The following NOX4 variants were observed in gnomAD, a reference collection of about 807,000 sequenced individuals.
The protein encoded by NOX4 is kidney oxidase-1.
NOX4 carries 69 observed loss-of-function variants against 87.6 expected under a neutral mutation model. The observed-to-expected ratio is 0.79, with a 90% confidence interval of 0.65 to 0.96. The LOEUF (loss-of-function observed/expected upper bound fraction) is 0.96. Among genes scored for constraint, NOX4 ranks in the 40% least tolerant of loss-of-function variants. NOX4 has a pLI of 0.00. For missense variants in NOX4, 680 were observed against 681.5 expected, an observed-to-expected ratio of 1.00 and a Z score of 0.02; for synonymous variants, 275 against 238.2, an observed-to-expected ratio of 1.15 and a Z score of -1.42.
At chr11:89,572,314 T>C in the NOX4 span, among the ~76,000 whole-genome samples, 1 of 152,234 alleles carries the variant, frequency 6.6e-6, no homozygotes, top group Admixed American at 6.5e-5. Flanking sequence ...TGTATATACA[T>C]GAGCATTTTT....
chr11:89,475,461 T>G (rs1946127659), intron 2 of NOX4, among the ~76,000 whole-genome samples: 1 of 152,088 alleles, frequency 6.6e-6, no homozygotes, highest in Non-Finnish European at 1.5e-5. Context: ...TATTCCCTAA[T>G]GGTATGCATT....
upstream of NOX4, among the ~76,000 whole-genome samples, chr11:89,492,784 T>C (rs1334484003): frequency 6.6e-6 from 1 of 152,216 alleles, no homozygotes; most frequent in African/African-American, 2.4e-5. Context: ...AATTCTGGGA[T>C]GCACTGGTGC....
At chr11:89,475,719 T>C (rs1005568282) in intron 2 of NOX4, among the ~76,000 whole-genome samples, 4 of 152,012 alleles carry the variant, frequency 2.6e-5, no homozygotes, top group Non-Finnish European at 5.9e-5. Flanking sequence ...AAAATTATAA[T>C]AATTGATATT....
At chr11:89,520,694 C>G in the NOX4 span, among the ~76,000 whole-genome samples, 1 of 152,040 alleles carries the variant, frequency 6.6e-6, no homozygotes, top group African/African-American at 2.4e-5. Flanking sequence ...GAAGTGCTAG[C>G]TAGAGCAATC....
At chr11:89,483,515 CATA>C (rs939288809) in intron 2 of NOX4, among the ~76,000 whole-genome samples, 12 of 148,392 alleles carry the variant, frequency 8.1e-5, no homozygotes, top group African/African-American at 3.0e-4. Context: ...ACAAATACCA[CATA>C]ATGTTACTTA....
chr11:89,579,140 A>G, the NOX4 span, among the ~76,000 whole-genome samples: 14 of 152,348 alleles, frequency 9.2e-5, no homozygotes, highest in South Asian at 1.9e-3. Flanking sequence ...TTGGTTTTCT[A>G]GAGTTCATGG....
chr11:89,381,637 C>T (rs753359173), intron 11 of NOX4, among the ~76,000 whole-genome samples: 27 of 152,188 alleles, frequency 1.8e-4, no homozygotes, highest in Non-Finnish European at 2.8e-4. Context: ...TAAGCAAAGC[C>T]TGTTTGGTGG....
At chr11:89,411,659 C>T (rs1175682269) in intron 8 of NOX4, among the ~76,000 whole-genome samples, 1 of 151,852 alleles carries the variant, frequency 6.6e-6, no homozygotes, top group African/African-American at 2.4e-5. Flanking sequence ...AGAAAACATA[C>T]AACAGATACA....
chr11:89,462,967 T>C (rs951893671), intron 2 of NOX4, among the ~76,000 whole-genome samples: 13 of 151,930 alleles, frequency 8.6e-5, no homozygotes, highest in African/African-American at 3.1e-4. Flanking sequence ...GATAACCAAA[T>C]ACATAGATGT....
the NOX4 span, among the ~76,000 whole-genome samples, chr11:89,522,502 G>A: frequency 1.3e-5 from 2 of 152,086 alleles, no homozygotes; most frequent in East Asian, 1.9e-4. Flanking sequence ...GGGGTTTACT[G>A]GGAGTGCCAA....
intron 7 of NOX4, among the ~76,000 whole-genome samples, chr11:89,423,047 G>A (rs996761347): frequency 1.1e-4 from 17 of 151,802 alleles, no homozygotes; most frequent in South Asian, 4.2e-4. Flanking sequence ...ATCCACCTGC[G>A]TCAGTCTCCC....
At chr11:89,353,008 T>C (rs187831484) in intron 13 of NOX4, among the ~76,000 whole-genome samples, 7 of 152,104 alleles carry the variant, frequency 4.6e-5, no homozygotes, top group African/African-American at 1.7e-4. Context: ...TTAGTAGAGA[T>C]GGGTTTCACC....
At chr11:89,367,950 A>G (rs1214272906) in intron 12 of NOX4, among the ~76,000 whole-genome samples, 2 of 151,952 alleles carry the variant, frequency 1.3e-5, no homozygotes, top group East Asian at 1.9e-4. Flanking sequence ...GGCAAGTTCT[A>G]TATATCTCTA....
At chr11:89,516,994 C>G in the NOX4 span, among the ~76,000 whole-genome samples, 1 of 111,102 alleles carries the variant, frequency 9.0e-6, no homozygotes, top group African/African-American at 4.1e-5. Flanking sequence ...TCCTCCTCCT[C>G]CTGCTCTTCT....
At chr11:89,550,923 T>C in the NOX4 span, among the ~76,000 whole-genome samples, 3 of 152,318 alleles carry the variant, frequency 2.0e-5, no homozygotes, top group Non-Finnish European at 4.4e-5. Flanking sequence ...TTAGGTCTTA[T>C]GTTTATGTAT....
At chr11:89,514,653 T>G in the NOX4 span, among the ~76,000 whole-genome samples, 4 of 151,772 alleles carry the variant, frequency 2.6e-5, no homozygotes, top group Non-Finnish European at 5.9e-5. Flanking sequence ...GTTGAGGGTT[T>G]GTTTGTTTGT....
At chr11:89,500,411 G>A (rs552793070), upstream of NOX4, among the ~76,000 whole-genome samples, 1 of 152,204 alleles carries the variant, frequency 6.6e-6, no homozygotes, top group East Asian at 1.9e-4. Context: ...TCATATCAGT[G>A]GAATTTCACT....
chr11:89,522,223 C>T, the NOX4 span, among the ~76,000 whole-genome samples: 1 of 152,176 alleles, frequency 6.6e-6, no homozygotes, highest in Admixed American at 6.5e-5. Flanking sequence ...GAAACATGCA[C>T]TTGCAGGTTC....
intron 13 of NOX4, among the ~76,000 whole-genome samples, chr11:89,348,456 T>C (rs541180663): frequency 2.0e-5 from 3 of 149,534 alleles, no homozygotes; most frequent in South Asian, 4.2e-4. Context: ...AAAAAAACTA[T>C]ATATATATAT....
Sources: allele counts gnomAD v4.1 joint callset (sites outside exome capture counted in the v4.1 genomes callset), GRCh38; gene constraint gnomAD v4.1.1; transcripts MANE v1.5; gene names NCBI Gene and HGNC (gene_info 2026-07-23, HGNC 2026-07-21).